CACNA1C: variants seen among roughly 807,000 people sequenced by gnomAD.
CACNA1C encodes calcium voltage-gated channel subunit alpha1 C, also known as voltage-dependent L-type calcium channel subunit alpha-1C.
In CACNA1C, 30 loss-of-function variants were observed where a neutral mutation model predicts 229.0. The observed-to-expected ratio is 0.13, with a 90% CI of 0.10 to 0.18. CACNA1C has a LOEUF of 0.18. CACNA1C is among the 10% of genes least tolerant of loss of function. The pLI, the probability that CACNA1C is intolerant of heterozygous loss-of-function variation, is 1.00. For synonymous variants in CACNA1C, 1,114 were observed against 1,132.5 expected (o/e 0.98, Z 0.33); for missense variants, 1,658 against 2,845.0 (o/e 0.58, Z 9.49).
chr12:2,060,300 CA>C (rs1186584867), intron 1 of CACNA1C, among the ~76,000 whole-genome samples: 1 of 152,150 alleles, frequency 6.6e-6, no homozygotes, highest in Non-Finnish European at 1.5e-5. Context: ...GGGGTATAGA[CA>C]CACAGATCAG....
chr12:2,012,053 A>G (rs2044537273), intron 1 of CACNA1C, among the ~76,000 whole-genome samples: 2 of 152,174 alleles, frequency 1.3e-5, no homozygotes, highest in South Asian at 4.1e-4. Context: ...TCACCTTGTC[A>G]TTGATTTTTC....
chr12:2,061,298 G>A (rs942151264), intron 1 of CACNA1C, among the ~76,000 whole-genome samples: 2 of 152,288 alleles, frequency 1.3e-5, no homozygotes, highest in Non-Finnish European at 1.5e-5. Context: ...GAAAAGCAAC[G>A]CCATGAAGTA....
chr12:2,328,918 G>A (rs1462475610), intron 3 of CACNA1C, among the ~76,000 whole-genome samples: 3 of 152,182 alleles, frequency 2.0e-5, no homozygotes, highest in Admixed American at 2.0e-4. Context: ...GTCTCATCTG[G>A]GACCAAGTGG....
At chr12:2,465,631 C>A (rs1400280459) in intron 5 of CACNA1C, among the ~76,000 whole-genome samples, 1 of 152,074 alleles carries the variant, frequency 6.6e-6, no homozygotes, top group Non-Finnish European at 1.5e-5. Flanking sequence ...GGATGGCACA[C>A]CAAGAGGCAG....
At chr12:2,120,051 TAAATG>T (rs772313014) in intron 2 of CACNA1C, among the ~76,000 whole-genome samples, 54 of 152,282 alleles carry the variant, frequency 3.5e-4, no homozygotes, top group Admixed American at 2.9e-3. Flanking sequence ...GCAATCTAAA[TAAATG>T]AAAGGAGGGG....
At chr12:2,492,096 ATGT>A (rs1250520881) in intron 6 of CACNA1C, among the ~76,000 whole-genome samples, 9 of 152,074 alleles carry the variant, frequency 5.9e-5, no homozygotes, top group Admixed American at 5.2e-4. Flanking sequence ...GGACAGGACA[ATGT>A]CCTTGATTTC....
upstream of CACNA1C, among the ~76,000 whole-genome samples, chr12:2,052,302 GCCCCTCCCGCTT>G (rs1565383700): frequency 6.6e-6 from 1 of 152,138 alleles, no homozygotes; most frequent in African/African-American, 2.4e-5. Context: ...CCGCCTCGCT[GCCCCTCCCGCTT>G]CCCCTCCCCT....
chr12:2,052,928 G>C (rs1192204426), upstream of CACNA1C: 1 of 960,774 alleles, frequency 1.0e-6, no homozygotes, highest in Non-Finnish European at 1.2e-6. Flanking sequence ...GCAGGGGCGG[G>C]CGCGGGCGCG....
At position 2,567,694 on chromosome 12, in the gene CACNA1C, G is replaced by A. The variant is rs1328691533; in HGVS notation, c.1795G>A (p.Gly599Ser). 2 of 1,613,584 alleles carry A rather than the reference G, an allele frequency of 1.2e-6. No individual in the cohort carries two copies. The highest frequency in any genetic ancestry group is 1.3e-5 in the African/African-American group (1 of 74,900). ...NRFDCFVVCGGILETILVETK... is the reference protein window; with the variant it reads ...NRFDCFVVCGSILETILVETK... ...CTTTGACTGCTTCGTCGTGTGTGGC[G>A]GCATCCTGGAGACCATCCTGGTGGA... is the stretch of plus-strand genomic sequence containing the variant. The change falls in exon 13 of 47, where the codon GGC becomes AGC. Residue 599 changes from glycine (G) to serine (S), a missense_variant. By Grantham distance (56) the Gly-to-Ser change is moderately conservative. This residue lies in a region of CACNA1C where 30 missense variants were observed against 96.6 expected (regional missense o/e 0.31). Coordinates refer to ENST00000399655, the MANE Select transcript of CACNA1C (RefSeq NM_000719.7).
At position 2,592,599 on chromosome 12, in the gene CACNA1C, T is replaced by C. The variant is rs374821834; in HGVS notation, c.2531-614T>C. Among the ~76,000 whole-genome samples, 66 of 152,316 alleles carry C rather than the reference T, an allele frequency of 4.3e-4. 3 individuals carry two copies. Among genetic ancestry groups the C allele is most frequent in the African/African-American group, 1.5e-3 (62 of 41,560 alleles). ...GTCCACATTAAATGTGGCCACTGGC[T>C]GGGAGAACGAAGGCGCTTCTTTAAT... On this transcript the variant is annotated intron_variant, in intron 18 of 46. Transcript: ENST00000399655.
intron 3 of CACNA1C, among the ~76,000 whole-genome samples, chr12:2,317,138 A>T (rs2095735312): frequency 6.6e-6 from 1 of 152,204 alleles, no homozygotes; most frequent in African/African-American, 2.4e-5. Context: ...TTCTCATACC[A>T]TCTAACAATT....
intron 3 of CACNA1C, among the ~76,000 whole-genome samples, chr12:2,294,026 G>T (rs2093767733): frequency 6.6e-6 from 1 of 152,194 alleles, no homozygotes; most frequent in Non-Finnish European, 1.5e-5. Context: ...ACCAGCCACT[G>T]TCAGGCACTA....
chr12:2,200,272 G>T (rs1264569526), intron 3 of CACNA1C, among the ~76,000 whole-genome samples: 6 of 152,208 alleles, frequency 3.9e-5, no homozygotes, highest in African/African-American at 1.4e-4. Flanking sequence ...TACTCAGTCT[G>T]TAAGGGGTAA....
Position 2,053,674 on chromosome 12 carries a change from C to G in CACNA1C, c.49+63C>G. 6.7e-7 allele frequency: 1 copy of G among 1,487,406 alleles called. No individual in the cohort carries two copies. The highest frequency in any genetic ancestry group is 9.0e-7 in the Non-Finnish European group (1 of 1,116,182). The allele number at this position is 1,487,406 out of a possible 1,614,324, so 92.1% of individuals were successfully genotyped here. On this transcript the variant is annotated intron_variant, in intron 1 of 46. Coordinates refer to ENST00000399655, the MANE Select transcript of CACNA1C (RefSeq NM_000719.7). The surrounding 1 kb of genome is among the most constrained non-coding windows in gnomAD (Gnocchi z 5.8). ...CCTTTTCCACCGGGTTCCTGCCCTA[C>G]CCGCGCTCCCCGCGGCCCCGGGGCC...
intron 1 of CACNA1C, among the ~76,000 whole-genome samples, chr12:2,009,002 A>G (rs1412766325): frequency 6.6e-6 from 1 of 152,230 alleles, no homozygotes; most frequent in Non-Finnish European, 1.5e-5. Context: ...CGATATTAGT[A>G]AAAGACCATT....
rs1460209269 is a variant in CACNA1C at position 2,513,008 on chromosome 12, T to A, written c.1390+24T>A. 3 of 1,571,748 alleles carry A rather than the reference T, an allele frequency of 1.9e-6. No individual in the cohort carries two copies. In the African/African-American group the frequency reaches 4.0e-5, roughly 21 times the overall value. On this transcript the variant is annotated intron_variant, in intron 9 of 46. Coordinates refer to ENST00000399655, the MANE Select transcript of CACNA1C (RefSeq NM_000719.7). ...CAGTGAGCAGCCGTCTTCTTCTGTG[T>A]TTGGGCTGGGTTCTGGGGGAGAGGA... is the stretch of plus-strand genomic sequence containing the variant.
chr12:2,533,660 G>A lies in CACNA1C; in HGVS notation c.1391-16283G>A, dbSNP rs1049015161. Among the ~76,000 whole-genome samples the A allele has an allele frequency of 2.0e-5, 3 of 152,294 alleles. 1 individual carries two copies. On this transcript the variant is annotated intron_variant, in intron 9 of 46. Coordinates refer to ENST00000399655, the MANE Select transcript of CACNA1C (RefSeq NM_000719.7). ...GGAAAGGACAGGGGAGTCAGGATAC[G>A]AGGGCTGGTGGAGTCTGCCAGGTGG...
intron 5 of CACNA1C, among the ~76,000 whole-genome samples, chr12:2,471,217 T>C (rs374167608): frequency 1.3e-5 from 2 of 152,350 alleles, no homozygotes; most frequent in African/African-American, 4.8e-5. Context: ...TTAAGTGTAA[T>C]AACCTTAAAA....
intron 43 of CACNA1C, among the ~76,000 whole-genome samples, chr12:2,683,846 A>G (rs2097302604): frequency 6.6e-6 from 1 of 152,196 alleles, no homozygotes; most frequent in Non-Finnish European, 1.5e-5. Flanking sequence ...GCCAGGCACG[A>G]TGCAGGGTGT....
Sources: allele counts gnomAD v4.1 joint callset (sites outside exome capture counted in the v4.1 genomes callset), GRCh38; gene constraint gnomAD v4.1.1; regional missense constraint gnomAD v4.1.1; non-coding constraint Gnocchi (gnomAD v3.1); transcripts MANE v1.5; gene names NCBI Gene and HGNC (gene_info 2026-07-23, HGNC 2026-07-21).